Variants in KCNIP4 observed in about 807,000 individuals in gnomAD.
KCNIP4 encodes Kv channel-interacting protein 4.
Under a neutral mutation model 34.0 loss-of-function variants are expected in KCNIP4, and 12 were observed. That is an observed-to-expected ratio of 0.35 (90% CI 0.23 to 0.57). The LOEUF (loss-of-function observed/expected upper bound fraction) is 0.57. Among genes scored for constraint, KCNIP4 ranks in the 20% least tolerant of loss-of-function variants. KCNIP4 has a pLI of 0.83. For missense variants in KCNIP4, 238 were observed against 311.7 expected (o/e 0.76, Z 1.78); for synonymous variants, 124 against 102.2 (o/e 1.21, Z -1.29).
chr4:21,229,132 C>T (rs1280357576), intron 1 of KCNIP4, among the ~76,000 whole-genome samples: 1 of 152,098 alleles, frequency 6.6e-6, no homozygotes, highest in Admixed American at 6.6e-5. Context: ...GCTTTTTGCC[C>T]CTTCTGCCTT....
chr4:21,901,846 TG>T (rs1156791484), intron 1 of KCNIP4, among the ~76,000 whole-genome samples: 1 of 152,098 alleles, frequency 6.6e-6, no homozygotes, highest in Non-Finnish European at 1.5e-5. Context: ...TTGAAAAATC[TG>T]GGGAAGTTCC....
intron 1 of KCNIP4, among the ~76,000 whole-genome samples, chr4:21,185,250 A>T (rs748691584): frequency 2.0e-5 from 3 of 151,820 alleles, no homozygotes; most frequent in Non-Finnish European, 4.4e-5. Flanking sequence ...AGGAATTAAA[A>T]ATCCTAAGTC....
chr4:21,122,214 A>G (rs975315149), intron 1 of KCNIP4, among the ~76,000 whole-genome samples: 2 of 151,174 alleles, frequency 1.3e-5, no homozygotes, highest in Non-Finnish European at 2.9e-5. Flanking sequence ...TTGAAAATCA[A>G]TATTTTCCCC....
intron 1 of KCNIP4, among the ~76,000 whole-genome samples, chr4:21,485,850 C>T (rs776591615): frequency 1.1e-3 from 160 of 152,268 alleles, no homozygotes; most frequent in Non-Finnish European, 1.8e-3. Flanking sequence ...AACGAACGAC[C>T]GTCATAAAGT....
rs140555506 is a variant in KCNIP4 at position 21,364,620 on chromosome 4, G to A, written c.62-481911C>T. On this transcript the variant is annotated intron_variant, in intron 1 of 8. Coordinates refer to ENST00000382152, the MANE Select transcript of KCNIP4 (RefSeq NM_025221.6). ...AATATAGCACTTATTTTAATGATAC[G>A]AATTGATGAATGAATAAATAAATGA... 5.6e-3 allele frequency among the ~76,000 whole-genome samples: 846 copies of A among 151,578 alleles called. 3 individuals are homozygous for A. The highest frequency in any genetic ancestry group is 0.019 in the African/African-American group (804 of 41,318).
At chr4:21,847,188 G>A (rs902629858) in intron 1 of KCNIP4, 3 of 151,904 alleles carry the variant, frequency 2.0e-5, no homozygotes, top group African/African-American at 7.3e-5. Flanking sequence ...TTCCATACTT[G>A]ATCTCCATTT....
chr4:21,219,396 T>C (rs1166316691), intron 1 of KCNIP4, among the ~76,000 whole-genome samples: 1 of 152,128 alleles, frequency 6.6e-6, no homozygotes, highest in Non-Finnish European at 1.5e-5. Context: ...TGCCAAATAA[T>C]GGGTGGAATT....
chr4:21,206,723 G>A (rs1473671053), intron 1 of KCNIP4, among the ~76,000 whole-genome samples: 1 of 152,130 alleles, frequency 6.6e-6, no homozygotes. Context: ...TATCTGATTT[G>A]CTCATCAGAA....
intron 1 of KCNIP4, among the ~76,000 whole-genome samples, chr4:20,942,019 C>T (rs1369477280): frequency 1.3e-5 from 2 of 152,080 alleles, no homozygotes; most frequent in African/African-American, 4.8e-5. Flanking sequence ...TCTGGCCCCA[C>T]GGAGGGATTC....
chr4:21,123,096 C>T (rs192995716), intron 1 of KCNIP4, among the ~76,000 whole-genome samples: 13 of 152,110 alleles, frequency 8.5e-5, no homozygotes, highest in African/African-American at 2.9e-4. Context: ...CGCCTGTAGT[C>T]CCAGCTACTT....
intron 1 of KCNIP4, among the ~76,000 whole-genome samples, chr4:21,729,115 T>C (rs922826501): frequency 1.3e-5 from 2 of 152,164 alleles, no homozygotes; most frequent in African/African-American, 4.8e-5. Flanking sequence ...TTGTGCTAAG[T>C]GCTTAAATCT....
intron 1 of KCNIP4, among the ~76,000 whole-genome samples, chr4:21,826,265 C>T (rs1055709190): frequency 1.3e-5 from 2 of 152,076 alleles, no homozygotes; most frequent in Non-Finnish European, 2.9e-5. Flanking sequence ...TACTCGACTT[C>T]GGTAATCCAC....
chr4:20,757,665 T>C (rs555993128), intron 4 of KCNIP4, among the ~76,000 whole-genome samples: 48 of 152,300 alleles, frequency 3.2e-4, no homozygotes, highest in African/African-American at 7.2e-4. Context: ...GAAGACATCA[T>C]ACTCAGAAGT....
At chr4:21,344,586 T>G (rs943443387) in intron 1 of KCNIP4, among the ~76,000 whole-genome samples, 2 of 152,058 alleles carry the variant, frequency 1.3e-5, no homozygotes, top group Non-Finnish European at 2.9e-5. Context: ...CTGAGACAGA[T>G]AGGTATGATG....
intron 1 of KCNIP4, among the ~76,000 whole-genome samples, chr4:21,070,876 C>A (rs980061695): frequency 6.6e-6 from 1 of 151,556 alleles, no homozygotes; most frequent in Non-Finnish European, 1.5e-5. Flanking sequence ...GGGGTTTCAC[C>A]GTGTTAGCCA....
At chr4:21,100,502 G>A (rs1182455631) in intron 1 of KCNIP4, among the ~76,000 whole-genome samples, 7 of 152,140 alleles carry the variant, frequency 4.6e-5, no homozygotes, top group South Asian at 2.1e-4. Flanking sequence ...GCAGTGAGCC[G>A]AGATTGCACT....
chr4:21,508,008 C>G (rs1733987803), intron 1 of KCNIP4, among the ~76,000 whole-genome samples: 1 of 152,154 alleles, frequency 6.6e-6, no homozygotes. Context: ...GTTTAAATCA[C>G]TTGTTTAGAA....
intron 1 of KCNIP4, among the ~76,000 whole-genome samples, chr4:21,364,147 G>GT (rs2109415441): frequency 6.6e-6 from 1 of 152,246 alleles, no homozygotes; most frequent in East Asian, 1.9e-4. Context: ...TACAAGGATT[G>GT]TTTCTCAAGT....
intron 1 of KCNIP4, among the ~76,000 whole-genome samples, chr4:21,796,453 C>T (rs1039175880): frequency 3.9e-5 from 6 of 152,166 alleles, no homozygotes; most frequent in African/African-American, 1.4e-4. Flanking sequence ...TGATCTCTGG[C>T]ATCTCAAAAT....
Sources: allele counts gnomAD v4.1 joint callset (sites outside exome capture counted in the v4.1 genomes callset), GRCh38; gene constraint gnomAD v4.1.1; transcripts MANE v1.5; gene names NCBI Gene and HGNC (gene_info 2026-07-23, HGNC 2026-07-21).